GCKR: variants seen among roughly 807,000 people sequenced by gnomAD.
GCKR encodes the protein glucokinase regulator.
GCKR carries 73 observed loss-of-function variants against 82.9 expected under a neutral mutation model. The observed-to-expected ratio is 0.88, with a 90% CI of 0.73 to 1.07. GCKR has a LOEUF of 1.07. GCKR is among the 50% of genes least tolerant of loss of function. The pLI, the probability that GCKR is intolerant of heterozygous loss-of-function variation, is 0.00. For missense variants in GCKR, 784 were observed against 782.1 expected, an observed-to-expected ratio of 1.00 and a Z score of -0.03; for synonymous variants, 294 against 291.8, an observed-to-expected ratio of 1.01 and a Z score of -0.08.
chr2:27,501,055 G>A, intron 7 of GCKR, 80 bp from the exon 8 acceptor site: 1 of 947,104 alleles, frequency 1.1e-6, no homozygotes, highest in Non-Finnish European at 1.8e-6. Flanking sequence ...GCATTCTGAA[G>A]GGTTCTGATG....
At position 27,503,522 on chromosome 2, in the gene GCKR, C is replaced by T; in HGVS notation, c.653C>T (p.Pro218Leu). 1 of 1,566,546 alleles carries T rather than the reference C, an allele frequency of 6.4e-7. No homozygotes were observed. ...FNPVSMARND[P>L]IEDWSSTFRQ... is the part of the protein sequence containing the mutation. ...GTCTCTCTGGACCTCAGAAATGACC[C>T]CATTGAAGACTGGAGTTCAACATTC... Residue 218 changes from proline (P) to leucine (L), a missense_variant, in exon 9 of 19, where the codon CCC becomes CTC. Coordinates refer to ENST00000264717, the MANE Select transcript of GCKR (RefSeq NM_001486.4).
chr2:27,521,334 AT>A (rs535172762), intron 17 of GCKR, among the ~76,000 whole-genome samples: 347 of 141,742 alleles, frequency 2.4e-3, no homozygotes, highest in African/African-American at 2.9e-3. Context: ...GTGAAATCAC[AT>A]TTTTTTTTTT....
chr2:27,513,909 T>TGTG (rs1669945057), intron 16 of GCKR, among the ~76,000 whole-genome samples: 1 of 144,676 alleles, frequency 6.9e-6, no homozygotes, highest in Non-Finnish European at 1.5e-5. Context: ...TTATTTGCAT[T>TGTG]TGTGTGTGTG....
intron 4 of GCKR, 111 bp from the exon 5 acceptor site, chr2:27,498,613 G>A: frequency 1.3e-6 from 1 of 764,804 alleles, no homozygotes; most frequent in Non-Finnish European, 2.4e-6. Flanking sequence ...ACTGGGTTAA[G>A]CACTGGTCTA....
chr2:27,517,782 T>G (rs2148591836), intron 16 of GCKR, among the ~76,000 whole-genome samples: 1 of 152,264 alleles, frequency 6.6e-6, no homozygotes, highest in East Asian at 1.9e-4. Context: ...CGATACCACA[T>G]GTTTGAACAA....
intron 10 of GCKR, 119 bp from the exon 11 acceptor site, chr2:27,506,362 A>G (rs1198180250): frequency 1.7e-5 from 13 of 760,594 alleles, no homozygotes; most frequent in Middle Eastern, 6.9e-4. Context: ...GCACCTCTCC[A>G]GGGACCAGCA....
intron 8 of GCKR, among the ~76,000 whole-genome samples, chr2:27,502,951 C>T (rs755256887): frequency 2.0e-5 from 3 of 152,222 alleles, no homozygotes; most frequent in Non-Finnish European, 4.4e-5. Flanking sequence ...CTGTAGCTCT[C>T]TTGCCTCATG....
At chr2:27,513,909 T>TTGTGTGTGTG (rs57848910) in intron 16 of GCKR, among the ~76,000 whole-genome samples, 19 of 144,676 alleles carry the variant, frequency 1.3e-4, no homozygotes, top group Non-Finnish European at 2.1e-4. Flanking sequence ...TTATTTGCAT[T>TTGTGTGTGTG]TGTGTGTGTG....
intron 16 of GCKR, among the ~76,000 whole-genome samples, chr2:27,517,149 A>C (rs912458913): frequency 6.6e-6 from 1 of 151,434 alleles, no homozygotes; most frequent in Admixed American, 6.6e-5. Context: ...AGTAGCTCTG[A>C]CTTACAGGTG....
Position 27,497,302 on chromosome 2 carries a change from A to T in GCKR, c.119A>T (p.Asp40Val), listed in dbSNP as rs766203408. Reference protein sequence around the residue: ...ITEKSNPLTQDLDKADAENIV... With the variant: ...ITEKSNPLTQVLDKADAENIV... ...GAGAAGTCAAACCCACTGACCCAGG[A>T]TCTAGACAAAGCAGATGCTGAGAAC... The change falls in exon 2 of 19, where the codon GAT becomes GTT. Residue 40 changes from aspartate (D) to valine (V), a missense_variant. Transcript: ENST00000264717. 3 of 1,614,178 alleles carry T rather than the reference A, an allele frequency of 1.9e-6. No individual in the cohort carries two copies. The Middle Eastern group carries it at 5.0e-4, about 266-fold the overall frequency.
intron 16 of GCKR, among the ~76,000 whole-genome samples, chr2:27,513,402 C>T (rs768594373): frequency 2.0e-5 from 3 of 151,890 alleles, no homozygotes; most frequent in Admixed American, 6.6e-5. Context: ...TGGTGGTGTG[C>T]ACCTGTAGTC....
chr2:27,501,301 C>A, intron 8 of GCKR, 72 bp downstream of exon 8: 5 of 938,338 alleles, frequency 5.3e-6, no homozygotes, highest in Non-Finnish European at 8.9e-6. Flanking sequence ...TACAGTACAA[C>A]CACAAGGGAG....
At chr2:27,523,169 G>C (rs370741136) in intron 18 of GCKR, 100 bp from the exon 19 acceptor site, 2 of 964,872 alleles carry the variant, frequency 2.1e-6, no homozygotes, top group African/African-American at 1.6e-5. Flanking sequence ...AAAGTGCTGG[G>C]ATTACAGGCG....
chr2:27,506,441 G>A, intron 10 of GCKR, 40 bp from the exon 11 acceptor site: 1 of 1,325,488 alleles, frequency 7.5e-7, no homozygotes. Context: ...TTCTGAGGGG[G>A]AATTGGGCCC....
At chr2:27,504,140 G>A (rs765502972) in intron 9 of GCKR, among the ~76,000 whole-genome samples, 5 of 152,028 alleles carry the variant, frequency 3.3e-5, no homozygotes, top group Non-Finnish European at 7.4e-5. Context: ...TGGGCCTTAC[G>A]AGGGCCTTAG....
chr2:27,507,260 C>T lies in GCKR; in HGVS notation c.1092C>T (p.Leu364=), dbSNP rs1414715327. ...ATTTCCGAGATGTCCGTGGCTTTCTCATTGGTGATCACAGTGACATGTTTA... is the reference window on the plus strand; with the variant it reads ...ATTTCCGAGATGTCCGTGGCTTTCTTATTGGTGATCACAGTGACATGTTTA... ...GADFRDVRGF[L]IGDHSDMFNQ... Residue 364 remains leucine (L), a synonymous_variant, in exon 13 of 19, where the codon CTC becomes CTT. Coordinates refer to ENST00000264717, the MANE Select transcript of GCKR (RefSeq NM_001486.4). 5.6e-6 allele frequency: 9 copies of T among 1,612,522 alleles called. No homozygotes were observed. In the Admixed American group the frequency reaches 1.5e-4, roughly 27 times the overall value.
rs774843736 is a variant in GCKR, at chr2:27,507,866, C to T, written c.1240+89C>T. On this transcript the variant is annotated intron_variant, in intron 14 of 18. Transcript: ENST00000264717. ...GTTGTTTTTCTGGGTCTTAGGGTACCTGCTCAGAGGGAGGGACGGGGTGAA... is the reference window on the plus strand; with the variant it reads ...GTTGTTTTTCTGGGTCTTAGGGTACTTGCTCAGAGGGAGGGACGGGGTGAA... 164 of 1,129,682 alleles carry T rather than the reference C, an allele frequency of 1.5e-4. 1 individual carries two copies. The highest frequency in any genetic ancestry group is 2.0e-4 in the Non-Finnish European group (145 of 740,736). The allele number at this position is 1,129,682 out of a possible 1,614,324, so 70.0% of individuals were successfully genotyped here.
In GCKR at chr2:27,522,386, ATTC is replaced by A. The variant is rs571627999; in HGVS notation, c.1573-69_1573-67del. The A allele has an allele frequency of 4.7e-6, 7 of 1,498,694 alleles. No homozygotes were observed. In the South Asian group the frequency reaches 7.9e-5, roughly 17 times the overall value. 92.8% of individuals were successfully genotyped at this position (1,498,694 alleles called of 1,614,324 possible). A position where few individuals can be genotyped will look rare whatever the true frequency, so the allele number is the denominator to read the frequency against. ...TCCCAGCCTCTCACTCTCATAGTTT[ATTC>A]TTCTCCCTTGACTCCATTCTTAGTT... On this transcript the variant is annotated intron_variant, in intron 17 of 18. Transcript: ENST00000264717.
intron 16 of GCKR, among the ~76,000 whole-genome samples, chr2:27,512,329 A>G (rs1669907101): frequency 6.6e-6 from 1 of 151,252 alleles, no homozygotes. Flanking sequence ...CAAGGTCAAG[A>G]GTTCAAGACC....
Sources: gnomAD v4.1 joint callset for allele counts (sites outside exome capture counted in the v4.1 genomes callset) on GRCh38, gnomAD v4.1.1 for gene constraint, MANE v1.5 for transcripts, NCBI Gene and HGNC (gene_info 2026-07-23, HGNC 2026-07-21) for gene names.